Variants in SNX29 observed in about 807,000 individuals in gnomAD.
SNX29 encodes the protein sorting nexin 29, also known as sorting nexin-29.
SNX29 carries 78 observed loss-of-function variants against 102.1 expected under a neutral mutation model. The ratio of observed to expected loss-of-function variants is 0.76; its 90% CI spans 0.64 to 0.92. The LOEUF is 0.92. SNX29 is among the 40% of genes least tolerant of loss of function. SNX29 has a pLI of 0.00. For synonymous variants in SNX29, 580 were observed against 414.5 expected, an observed-to-expected ratio of 1.40 and a Z score of -4.85; for missense variants, 1,280 against 1,061.7, an observed-to-expected ratio of 1.21 and a Z score of -2.86.
chr16:12,264,736 C>A (rs551658353), intron 14 of SNX29, among the ~76,000 whole-genome samples: 2 of 150,776 alleles, frequency 1.3e-5, no homozygotes, highest in Non-Finnish European at 2.9e-5. Flanking sequence ...GAGCCGAGAT[C>A]ATGCCACTGC....
intron 14 of SNX29, among the ~76,000 whole-genome samples, chr16:12,210,297 C>T (rs1024057889): frequency 6.7e-6 from 1 of 149,428 alleles, no homozygotes; most frequent in Non-Finnish European, 1.5e-5. Context: ...CCTCGTTTTG[C>T]ACTCAAGGGA....
chr16:12,209,288 C>G (rs970760242), intron 14 of SNX29, among the ~76,000 whole-genome samples: 1 of 152,184 alleles, frequency 6.6e-6, no homozygotes, highest in Non-Finnish European at 1.5e-5. Flanking sequence ...CTCCTGAGTT[C>G]AAGCGATTCT....
At chr16:12,174,741 AAGATT>A (rs2076222679) in intron 13 of SNX29, among the ~76,000 whole-genome samples, 1 of 152,220 alleles carries the variant, frequency 6.6e-6, no homozygotes, top group African/African-American at 2.4e-5. Flanking sequence ...GAACAATAAA[AAGATT>A]AGGAGGTTAT....
At chr16:12,210,325 CTTTTTT>C (rs5815673) in intron 14 of SNX29, among the ~76,000 whole-genome samples, 1 of 141,760 alleles carries the variant, frequency 7.1e-6, no homozygotes, top group Non-Finnish European at 1.5e-5. Context: ...GTTCCCTCCA[CTTTTTT>C]TTTTTTTTTT....
chr16:12,437,951 G>A (rs1238309495), intron 18 of SNX29, among the ~76,000 whole-genome samples: 1 of 152,014 alleles, frequency 6.6e-6, no homozygotes, highest in East Asian at 1.9e-4. Flanking sequence ...GCACTGCCAG[G>A]CCCAGCTCTG....
intron 9 of SNX29, among the ~76,000 whole-genome samples, chr16:12,063,565 G>A (rs772745575): frequency 9.2e-5 from 14 of 151,840 alleles, no homozygotes; most frequent in Non-Finnish European, 1.8e-4. Context: ...TTTTAGTAGA[G>A]ATGGCGTTTC....
At chr16:12,000,302 G>A (rs2151016948) in intron 2 of SNX29, 1 of 152,582 alleles carries the variant, frequency 6.6e-6, no homozygotes, top group Non-Finnish European at 1.5e-5. Context: ...TAACAACACT[G>A]TGAGATTATA....
chr16:12,153,466 AAAAAAACAAAAAAC>A (rs71139581), intron 13 of SNX29, among the ~76,000 whole-genome samples: 1 of 150,480 alleles, frequency 6.6e-6, no homozygotes, highest in South Asian at 2.1e-4. Context: ...TGTCTCAAAA[AAAAAAACAAAAAAC>A]AAAAAACAAA....
At chr16:12,338,600 G>A (rs2081522369) in intron 15 of SNX29, among the ~76,000 whole-genome samples, 1 of 152,222 alleles carries the variant, frequency 6.6e-6, no homozygotes, top group Non-Finnish European at 1.5e-5. Flanking sequence ...TGTAATTTGT[G>A]TGAGGTCACA....
At chr16:12,454,682 G>A (rs571521858) in intron 18 of SNX29, among the ~76,000 whole-genome samples, 1 of 152,170 alleles carries the variant, frequency 6.6e-6, no homozygotes, top group South Asian at 2.1e-4. Flanking sequence ...GTGCAGTGGC[G>A]CATCATTGGA....
chr16:12,292,622 C>A (rs1250180560), intron 15 of SNX29, among the ~76,000 whole-genome samples: 1 of 152,210 alleles, frequency 6.6e-6, no homozygotes. Context: ...AGAAGACTTT[C>A]AGCTTGAATG....
At chr16:12,225,899 C>T (rs773089136) in intron 14 of SNX29, among the ~76,000 whole-genome samples, 90 of 152,294 alleles carry the variant, frequency 5.9e-4, no homozygotes, top group Non-Finnish European at 8.5e-4. Flanking sequence ...ACTGAAGAGG[C>T]TCTCCTGCCT....
chr16:12,499,757 C>T (rs867489750), intron 19 of SNX29, among the ~76,000 whole-genome samples: 5 of 152,328 alleles, frequency 3.3e-5, no homozygotes, highest in Admixed American at 2.0e-4. Flanking sequence ...CACTTGCAGC[C>T]TTGACCTCCC....
At chr16:12,463,340 T>C (rs1407900579) in intron 18 of SNX29, among the ~76,000 whole-genome samples, 1 of 152,150 alleles carries the variant, frequency 6.6e-6, no homozygotes, top group African/African-American at 2.4e-5. Context: ...TACCCGAGAC[T>C]GGGCAGTTTA....
At chr16:12,167,788 C>A (rs142189740) in intron 13 of SNX29, among the ~76,000 whole-genome samples, 1 of 152,150 alleles carries the variant, frequency 6.6e-6, no homozygotes, top group Admixed American at 6.5e-5. Flanking sequence ...GATTCTACAT[C>A]AGGGGTTGGC....
rs1050685115 is a variant in SNX29 at position 12,569,088 on chromosome 16, A to G, written c.*459A>G. 6.9e-6 allele frequency: 1 copy of G among 144,554 alleles called. No individual in the cohort carries two copies. The highest frequency in any genetic ancestry group is 1.2e-4 in the Admixed American group (1 of 8,506). The allele number at this position is 144,554 out of a possible 1,614,324, so 9.0% of individuals were successfully genotyped here. On this transcript the variant is annotated 3_prime_UTR_variant, in exon 21 of 21. Transcript: ENST00000566228. The stretch of plus-strand genomic sequence containing the variant: ...GCCTCTCCTTTTGCTTTTTAAGGTT[A>G]TTACCTGGCCTAACCTAGGGATGGC...
intron 16 of SNX29, among the ~76,000 whole-genome samples, chr16:12,381,419 A>C (rs1597164059): frequency 2.2e-4 from 6 of 27,060 alleles, no homozygotes; most frequent in Admixed American, 5.6e-4. Flanking sequence ...CCCACCCATC[A>C]TCCACCCACC....
chr16:12,013,500 A>AAAAAAAAAAATATATATATATAT, intron 3 of SNX29, among the ~76,000 whole-genome samples: 3 of 31,624 alleles, frequency 9.5e-5, no homozygotes, highest in African/African-American at 2.0e-4. Flanking sequence ...AAAAAAAAAA[A>AAAAAAAAAAATATATATATATAT]ATATATATAT....
At chr16:12,032,095 A>C (rs1206998374) in intron 4 of SNX29, among the ~76,000 whole-genome samples, 1 of 152,108 alleles carries the variant, frequency 6.6e-6, no homozygotes, top group Non-Finnish European at 1.5e-5. Flanking sequence ...CCTTGTACCA[A>C]TGGAATCATG....
Sources: gnomAD v4.1 joint callset for allele counts (sites outside exome capture counted in the v4.1 genomes callset) on GRCh38, gnomAD v4.1.1 for gene constraint, MANE v1.5 for transcripts, NCBI Gene and HGNC (gene_info 2026-07-23, HGNC 2026-07-21) for gene names.